Variants in CRHR1 observed in about 807,000 individuals in gnomAD.
CRHR1 encodes the protein corticotropin-releasing hormone receptor 1.
CRHR1 carries 28 observed loss-of-function variants against 56.0 expected under a neutral mutation model. The observed-to-expected ratio is 0.50, with a 90% confidence interval of 0.37 to 0.69. The LOEUF (loss-of-function observed/expected upper bound fraction) is 0.69. Among genes scored for constraint, CRHR1 ranks in the 30% least tolerant of loss-of-function variants. The probability of loss-of-function intolerance (pLI) is 0.00; values close to 1 mark genes in which losing one functional copy is unlikely to be tolerated. For synonymous variants in CRHR1, 195 were observed against 216.5 expected (o/e 0.90, Z 0.87); for missense variants, 376 against 548.0 (o/e 0.69, Z 3.13).
chr17:45,785,186 C>T (rs1485340010), intron 1 of CRHR1, among the ~76,000 whole-genome samples: 3 of 152,240 alleles, frequency 2.0e-5, no homozygotes, highest in African/African-American at 4.8e-5. Context: ...GCGCGACGCT[C>T]GTTCTCCGAG....
chr17:45,834,808 G>T lies in CRHR1; in HGVS notation c.*44G>T. ...AGCCCCCAAAGAGCTGTGGCTGGGG[G>T]GATGACGGCCAGGCTCCCTGACCAC... On this transcript the variant is annotated 3_prime_UTR_variant, in exon 13 of 13. Coordinates refer to ENST00000314537, the MANE Select transcript of CRHR1 (RefSeq NM_004382.5). 1 of 1,610,918 alleles carries T rather than the reference G, an allele frequency of 6.2e-7. No individual in the cohort carries two copies. Among genetic ancestry groups the T allele is most frequent in the South Asian group, 1.1e-5 (1 of 91,020 alleles).
At chr17:45,828,085 G>A (rs1018517906) in intron 4 of CRHR1, among the ~76,000 whole-genome samples, 2 of 152,196 alleles carry the variant, frequency 1.3e-5, no homozygotes, top group East Asian at 1.9e-4. Flanking sequence ...TTCAACACCC[G>A]TCTTTCCTTC....
At chr17:45,804,907 C>T (rs970731663) in intron 1 of CRHR1, among the ~76,000 whole-genome samples, 1 of 152,002 alleles carries the variant, frequency 6.6e-6, no homozygotes, top group African/African-American at 2.4e-5. Context: ...CTCAACCTCC[C>T]GGGTTCATGC....
At position 45,823,986 on chromosome 17, in the gene CRHR1, T is replaced by C. The variant is rs533341957; in HGVS notation, c.327+2546T>C. On this transcript the variant is annotated intron_variant, in intron 4 of 12. Transcript: ENST00000314537. ...GGGGTGGGTTGGTCAGGCTCCCTGATGATCTGATCTGAGCAGGGAAAGCCC... is the reference window on the plus strand; with the variant it reads ...GGGGTGGGTTGGTCAGGCTCCCTGACGATCTGATCTGAGCAGGGAAAGCCC... Among the ~76,000 whole-genome samples the C allele has an allele frequency of 2.6e-5, 4 of 152,334 alleles. No homozygotes were observed. In the South Asian group the frequency reaches 8.3e-4, roughly 32 times the overall value.
At chr17:45,819,136 G>T (rs1232735047) in intron 3 of CRHR1, among the ~76,000 whole-genome samples, 2 of 152,146 alleles carry the variant, frequency 1.3e-5, no homozygotes, top group African/African-American at 4.8e-5. Flanking sequence ...GACACGCTCT[G>T]AGTCTCACGT....
intron 1 of CRHR1, among the ~76,000 whole-genome samples, chr17:45,789,716 T>G (rs2061394490): frequency 6.6e-6 from 1 of 152,196 alleles, no homozygotes; most frequent in Non-Finnish European, 1.5e-5. Context: ...CTTGTTGCTC[T>G]AGGCCAGCCA....
At chr17:45,805,403 C>T (rs1409554442) in intron 1 of CRHR1, among the ~76,000 whole-genome samples, 1 of 152,178 alleles carries the variant, frequency 6.6e-6, no homozygotes, top group Non-Finnish European at 1.5e-5. Flanking sequence ...TTCTAGCCTA[C>T]ACCCTAGAAG....
chr17:45,813,299 C>T (rs1257884745), intron 2 of CRHR1, among the ~76,000 whole-genome samples: 2 of 152,146 alleles, frequency 1.3e-5, no homozygotes, highest in Admixed American at 6.5e-5. Flanking sequence ...CCTTTGGCCA[C>T]GCCCCCCCAA....
At chr17:45,812,457 G>T (rs960825831) in intron 2 of CRHR1, among the ~76,000 whole-genome samples, 1 of 152,162 alleles carries the variant, frequency 6.6e-6, no homozygotes, top group South Asian at 2.1e-4. Flanking sequence ...CCTCATCCCA[G>T]GACTATGACG....
chr17:45,812,830 T>A (rs910564403), intron 2 of CRHR1, among the ~76,000 whole-genome samples: 7 of 152,184 alleles, frequency 4.6e-5, no homozygotes, highest in Admixed American at 2.0e-4. Context: ...CCGCCTGTTT[T>A]CTCCTCCTCA....
chr17:45,830,346 G>GAGGCCC, intron 6 of CRHR1, 71 bp from the exon 7 acceptor site: 1 of 1,579,824 alleles, frequency 6.3e-7, no homozygotes, highest in Non-Finnish European at 8.6e-7. Context: ...CTGCCCTGGG[G>GAGGCCC]AGGCCCAGGC....
At position 45,784,678 on chromosome 17, in the gene CRHR1, G is replaced by A; in HGVS notation, c.33+101G>A. The stretch of plus-strand genomic sequence containing the variant: ...GGTGTGATGGGGGCGGGGGCGCTGG[G>A]AGAGCCGTGCTTAGGTCGGGGAAGG... On this transcript the variant is annotated intron_variant, in intron 1 of 12. Coordinates refer to ENST00000314537, the MANE Select transcript of CRHR1 (RefSeq NM_004382.5). This position sits in a 1 kb window ranked among gnomAD's most constrained non-coding sequence, Gnocchi z 4.2. 7.9e-7 allele frequency: 1 copy of A among 1,264,848 alleles called. No individual in the cohort carries two copies. 78.4% of individuals were successfully genotyped at this position (1,264,848 alleles called of 1,614,324 possible). A position where few individuals can be genotyped will look rare whatever the true frequency, so the allele number is the denominator to read the frequency against.
At chr17:45,799,351 G>A (rs547195456) in intron 1 of CRHR1, 1 of 152,374 alleles carries the variant, frequency 6.6e-6, no homozygotes, top group African/African-American at 2.4e-5. Context: ...AGACGTTTCT[G>A]AAGAGTTGAT....
At chr17:45,796,245 G>T (rs1453145825) in intron 1 of CRHR1, among the ~76,000 whole-genome samples, 1 of 152,186 alleles carries the variant, frequency 6.6e-6, no homozygotes, top group Non-Finnish European at 1.5e-5. Context: ...GTTTCCCAGT[G>T]TCTGGGAGCC....
chr17:45,792,570 T>C (rs1335798811), intron 1 of CRHR1, among the ~76,000 whole-genome samples: 1 of 152,214 alleles, frequency 6.6e-6, no homozygotes, highest in African/African-American at 2.4e-5. Flanking sequence ...CAGGAGCTTC[T>C]GCCCCCAAGT....
Position 45,834,931 on chromosome 17 carries a change from C to T in CRHR1, c.*167C>T. The T allele has an allele frequency of 6.5e-6, 6 of 918,864 alleles. No homozygotes were observed. Among genetic ancestry groups the T allele is most frequent in the Non-Finnish European group, 8.1e-6 (5 of 617,640 alleles). The allele number at this position is 918,864 out of a possible 1,614,324, so 56.9% of individuals were successfully genotyped here. ...GGGCCGCTCTCCCCCTGCAGCCGTG[C>T]AGGACTCTAGCTCATGAGTGGAAAG... On this transcript the variant is annotated 3_prime_UTR_variant, in exon 13 of 13. Coordinates refer to ENST00000314537, the MANE Select transcript of CRHR1 (RefSeq NM_004382.5).
intron 4 of CRHR1, among the ~76,000 whole-genome samples, chr17:45,823,026 C>T (rs929093150): frequency 2.0e-5 from 3 of 151,160 alleles, no homozygotes; most frequent in African/African-American, 7.3e-5. Flanking sequence ...TCCCTGTAAT[C>T]GCAGCTACTC....
At chr17:45,789,963 T>C (rs150509027) in intron 1 of CRHR1, among the ~76,000 whole-genome samples, 59 of 152,338 alleles carry the variant, frequency 3.9e-4, no homozygotes, top group African/African-American at 1.4e-3. Flanking sequence ...AAGTGCATAA[T>C]AAATATTAGC....
At chr17:45,795,591 C>T (rs1252294339) in intron 1 of CRHR1, among the ~76,000 whole-genome samples, 1 of 152,198 alleles carries the variant, frequency 6.6e-6, no homozygotes, top group Non-Finnish European at 1.5e-5. Flanking sequence ...AAAATGGCCT[C>T]CAGGTGAGAA....
Sources: allele counts gnomAD v4.1 joint callset (sites outside exome capture counted in the v4.1 genomes callset), GRCh38; gene constraint gnomAD v4.1.1; non-coding constraint Gnocchi (gnomAD v3.1); transcripts MANE v1.5; gene names NCBI Gene and HGNC (gene_info 2026-07-23, HGNC 2026-07-21).